Variants in VPS53 observed in about 807,000 individuals in gnomAD.
VPS53 encodes the protein VPS53 subunit of GARP complex, also known as vacuolar protein sorting-associated protein 53 homolog.
VPS53 carries 70 observed loss-of-function variants against 107.0 expected under a neutral mutation model. The ratio of observed to expected loss-of-function variants is 0.65; its 90% CI spans 0.54 to 0.80. The LOEUF is 0.80. VPS53 is among the 30% of genes least tolerant of loss of function. The pLI is 0.00. For synonymous variants in VPS53, 409 were observed against 393.3 expected (o/e 1.04, Z -0.47); for missense variants, 917 against 1,049.4 (o/e 0.87, Z 1.74).
At chr17:592,301 G>T (rs971463477) in intron 12 of VPS53, among the ~76,000 whole-genome samples, 4 of 152,140 alleles carry the variant, frequency 2.6e-5, no homozygotes, top group African/African-American at 9.7e-5. Context: ...CGTGAGATGG[G>T]TTTCCTGAAT....
At chr17:602,968 T>C (rs1459804867) in intron 11 of VPS53, among the ~76,000 whole-genome samples, 2 of 152,132 alleles carry the variant, frequency 1.3e-5, no homozygotes, top group Admixed American at 6.5e-5. Flanking sequence ...GAGAAGTTAA[T>C]GGAGAGGGAG....
At chr17:701,641 G>A (rs1597505852) in intron 2 of VPS53, among the ~76,000 whole-genome samples, 1 of 151,940 alleles carries the variant, frequency 6.6e-6, no homozygotes, top group East Asian at 1.9e-4. Context: ...CTCCCAAAGT[G>A]CTAGGATTAC....
At chr17:624,980 G>T (rs1232899614) in intron 10 of VPS53, among the ~76,000 whole-genome samples, 6 of 88,834 alleles carry the variant, frequency 6.8e-5, no homozygotes, top group Admixed American at 5.7e-4. Context: ...TTCCTTCTCT[G>T]TCTTTCTCTC....
At chr17:627,425 T>C in intron 9 of VPS53, 109 bp from the exon 10 acceptor site, 5 of 1,299,708 alleles carry the variant, frequency 3.8e-6, no homozygotes, top group Non-Finnish European at 4.1e-6. Flanking sequence ...AACCTCTGTA[T>C]TTCTCATGGT....
chr17:662,853 G>GGAAGGAAGGAAC (rs1242704808), intron 4 of VPS53, among the ~76,000 whole-genome samples: 1,926 of 90,196 alleles, frequency 0.021, 92 homozygotes, highest in East Asian at 0.19. Flanking sequence ...AAGGAAGGAA[G>GGAAGGAAGGAAC]GAAGGAAGGA....
intron 7 of VPS53, among the ~76,000 whole-genome samples, chr17:640,547 A>T (rs1178011331): frequency 6.6e-6 from 1 of 152,058 alleles, no homozygotes; most frequent in African/African-American, 2.4e-5. Flanking sequence ...AGAACTGCCT[A>T]TGTCGCCATG....
At chr17:643,457 A>C (rs1463683813) in intron 7 of VPS53, among the ~76,000 whole-genome samples, 1 of 150,838 alleles carries the variant, frequency 6.6e-6, no homozygotes, top group East Asian at 2.0e-4. Flanking sequence ...GACAACACTC[A>C]TACTTGGAAA....
rs572828553 is a variant in VPS53, at chr17:653,426, A to G, written c.489-16T>C. On this transcript the variant is annotated splice_polypyrimidine_tract_variant and intron_variant, in intron 6 of 21. Transcript: ENST00000437048. ...GGTCATGGCTCTGCAAGGAAAGAAT[A>G]AGTTTAAAAGTCTAGAAAAACACTA... 1.9e-6 allele frequency: 3 copies of G among 1,613,746 alleles called. No individual in the cohort carries two copies. In the South Asian group the frequency reaches 3.3e-5, roughly 18 times the overall value.
At chr17:636,321 A>C (rs1368585700) in intron 7 of VPS53, among the ~76,000 whole-genome samples, 5 of 152,182 alleles carry the variant, frequency 3.3e-5, no homozygotes, top group East Asian at 3.8e-4. Flanking sequence ...TTTGGGCTGA[A>C]ACGATGGGGT....
intron 12 of VPS53, among the ~76,000 whole-genome samples, chr17:589,546 T>A (rs1222470278): frequency 6.6e-6 from 1 of 152,180 alleles, no homozygotes; most frequent in African/African-American, 2.4e-5. Context: ...TGTTAACAAT[T>A]GCTGAATCCA....
chr17:645,839 G>A lies in VPS53; in HGVS notation c.608+7452C>T, dbSNP rs923807751. On this transcript the variant is annotated intron_variant, in intron 7 of 21. Transcript: ENST00000437048. Reference sequence around the variant, plus strand: ...TCTTATCTTTTCTAATCCATATCACGGACTGGAGACTGGCTCTTACACACA... The same window carrying A: ...TCTTATCTTTTCTAATCCATATCACAGACTGGAGACTGGCTCTTACACACA... 3.7e-5 allele frequency among the ~76,000 whole-genome samples: 5 copies of A among 134,862 alleles called. 1 individual carries two copies. The highest frequency in any genetic ancestry group is 6.5e-5 in the Non-Finnish European group (4 of 61,092). 88.5% of individuals were successfully genotyped at this position (134,862 alleles called of 152,430 possible). A position where few individuals can be genotyped will look rare whatever the true frequency, so the allele number is the denominator to read the frequency against.
chr17:622,124 A>G, intron 11 of VPS53, among the ~76,000 whole-genome samples: 1 of 152,078 alleles, frequency 6.6e-6, no homozygotes, highest in Non-Finnish European at 1.5e-5. Context: ...AGGCAGGAGA[A>G]TTGCTTGAAC....
At chr17:640,268 G>A (rs1970371604) in intron 7 of VPS53, among the ~76,000 whole-genome samples, 2 of 152,170 alleles carry the variant, frequency 1.3e-5, no homozygotes, top group African/African-American at 4.8e-5. Context: ...ATTAGGGTGG[G>A]AGTGACCCAA....
At position 564,166 on chromosome 17, in the gene VPS53, C is replaced by T. The variant is rs368866255; in HGVS notation, c.1314-1421G>A. On this transcript the variant is annotated intron_variant, in intron 13 of 21. Transcript: ENST00000437048. ...ATCCCAACACTTTGGGAGGCCCAGG[C>T]GGCGGATCACTTGAGGCCAGGAGTT... Among the ~76,000 whole-genome samples, 5 of 148,258 alleles carry T rather than the reference C, an allele frequency of 3.4e-5. No homozygotes were observed. In the South Asian group the frequency reaches 1.1e-3, roughly 32 times the overall value.
rs146878513 is a variant in VPS53 at position 517,668 on chromosome 17, C to T, written c.*1460G>A. 5.1e-3 allele frequency: 1,864 copies of T among 365,906 alleles called. 19 individuals are homozygous for T. The highest frequency in any genetic ancestry group is 5.0e-3 in the Non-Finnish European group (1,040 of 206,080). The allele number at this position is 365,906 out of a possible 1,614,324, so 22.7% of individuals were successfully genotyped here. A position where few individuals can be genotyped will look rare whatever the true frequency, so the allele number is the denominator to read the frequency against. On this transcript the variant is annotated 3_prime_UTR_variant, in exon 22 of 22. Coordinates refer to ENST00000437048, the MANE Select transcript of VPS53 (RefSeq NM_001128159.3). ...CCCAGTAGCTGGGATTACAGGCACT[C>T]GCCATGACACCCGGCTAATTTTTTT...
intron 12 of VPS53, among the ~76,000 whole-genome samples, chr17:600,323 A>G (rs1968270978): frequency 6.6e-6 from 1 of 152,234 alleles, no homozygotes; most frequent in Non-Finnish European, 1.5e-5. Context: ...AGGGCTCTGC[A>G]AATGGCTCTC....
chr17:564,673 C>T (rs1050998128), intron 13 of VPS53, among the ~76,000 whole-genome samples: 1 of 152,008 alleles, frequency 6.6e-6, no homozygotes, highest in South Asian at 2.1e-4. Context: ...GCCCAGCTCA[C>T]ACCACTGCAT....
At chr17:662,885 G>C (rs558603451) in intron 4 of VPS53, among the ~76,000 whole-genome samples, 13 of 142,778 alleles carry the variant, frequency 9.1e-5, no homozygotes, top group African/African-American at 2.9e-4. Flanking sequence ...AAGGAAGGAA[G>C]GAAGGAAGGC....
At chr17:618,346 G>A (rs189350299) in intron 11 of VPS53, among the ~76,000 whole-genome samples, 1,863 of 85,350 alleles carry the variant, frequency 0.022, 284 homozygotes, top group Middle Eastern at 0.071. Flanking sequence ...GACTACAGGG[G>A]TGCACCACCA....
Sources: gnomAD v4.1 joint callset for allele counts (sites outside exome capture counted in the v4.1 genomes callset) on GRCh38, gnomAD v4.1.1 for gene constraint, MANE v1.5 for transcripts, NCBI Gene and HGNC (gene_info 2026-07-23, HGNC 2026-07-21) for gene names.